CHSY3: variants seen among roughly 807,000 people sequenced by gnomAD.
The protein encoded by CHSY3 is chondroitin sulfate synthase 3, also known as N-acetylgalactosaminyl-proteoglycan 3-beta-glucuronosyltransferase 3.
In CHSY3, 35 loss-of-function variants were observed where a neutral mutation model predicts 67.2. The observed-to-expected ratio is 0.52, with a 90% CI of 0.40 to 0.69. The LOEUF is 0.69. Among genes scored for constraint, CHSY3 ranks in the 30% least tolerant of loss-of-function variants. The pLI, the probability that CHSY3 is intolerant of heterozygous loss-of-function variation, is 0.00. For missense variants in CHSY3, 1,069 were observed against 1,138.5 expected (o/e 0.94, Z 0.88); for synonymous variants, 474 against 434.7 (o/e 1.09, Z -1.12).
chr5:129,940,316 G>C (rs1761659198), intron 2 of CHSY3, among the ~76,000 whole-genome samples: 2 of 152,178 alleles, frequency 1.3e-5, no homozygotes, highest in Non-Finnish European at 2.9e-5. Context: ...AAGATGTGAT[G>C]AATCTTTTGA....
intron 2 of CHSY3, among the ~76,000 whole-genome samples, chr5:130,077,955 A>G (rs750772764): frequency 4.0e-4 from 61 of 152,130 alleles, no homozygotes; most frequent in Non-Finnish European, 7.9e-4. Context: ...ATGTAGCCAT[A>G]ATAACTAACA....
chr5:130,079,431 A>G (rs1429723876), intron 2 of CHSY3, among the ~76,000 whole-genome samples: 1 of 152,156 alleles, frequency 6.6e-6, no homozygotes, highest in Non-Finnish European at 1.5e-5. Context: ...ATTGGGATAA[A>G]CTTCAGGATT....
At chr5:130,075,416 A>G (rs17165618) in intron 2 of CHSY3, among the ~76,000 whole-genome samples, 2,281 of 152,248 alleles carry the variant, frequency 0.015, 60 homozygotes, top group African/African-American at 0.051. Context: ...AGTTGTATTC[A>G]TTCTACTAAA....
At chr5:130,046,249 A>G (rs1446783108) in intron 2 of CHSY3, among the ~76,000 whole-genome samples, 1 of 152,254 alleles carries the variant, frequency 6.6e-6, no homozygotes, top group East Asian at 1.9e-4. Context: ...CATACAAATG[A>G]AGGTGAACTA....
chr5:130,130,486 A>C (rs1352233370), intron 2 of CHSY3, among the ~76,000 whole-genome samples: 1 of 152,044 alleles, frequency 6.6e-6, no homozygotes. Flanking sequence ...ATTCCTTTTC[A>C]TCTGCCAGAA....
Position 130,029,679 on chromosome 5 carries a change from A to T in CHSY3, c.1086+121319A>T, listed in dbSNP as rs933034640. Among the ~76,000 whole-genome samples, 4 of 152,066 alleles carry T rather than the reference A, an allele frequency of 2.6e-5. 1 individual carries two copies. The highest frequency in any genetic ancestry group is 4.1e-4 in the South Asian group (2 of 4,826). On this transcript the variant is annotated intron_variant, in intron 2 of 2. Transcript: ENST00000305031. ...GTTCTCAGCTAGCCCTCTTTTTTTT[A>T]AAATAAAACTTTGTGAGGTTTTCAT...
chr5:129,991,633 T>C (rs1580622718), intron 2 of CHSY3, among the ~76,000 whole-genome samples: 2 of 152,268 alleles, frequency 1.3e-5, no homozygotes, highest in Middle Eastern at 3.4e-3. Flanking sequence ...GTTACAATTA[T>C]GAAATTCAAA....
At position 129,904,725 on chromosome 5, in the gene CHSY3, G is replaced by GTGT. The variant is rs1760165346; in HGVS notation, c.-105_-104insTGT. 2 of 1,227,146 alleles carry GTGT rather than the reference G, an allele frequency of 1.6e-6. No homozygotes were observed. Among genetic ancestry groups the GTGT allele is most frequent in the East Asian group, 6.5e-5 (2 of 30,854 alleles). The allele number at this position is 1,227,146 out of a possible 1,614,324, so 76.0% of individuals were successfully genotyped here. A position where few individuals can be genotyped will look rare whatever the true frequency, so the allele number is the denominator to read the frequency against. On this transcript the variant is annotated 5_prime_UTR_variant, in exon 1 of 3. Coordinates refer to ENST00000305031, the MANE Select transcript of CHSY3 (RefSeq NM_175856.5). ...GTCGGCGCCTAGGCGGCCGGCTGCG[G>GTGT]CCGCGGCTGGGGGCGCAAAGGCGGA...
At chr5:130,008,122 C>T (rs575983511) in intron 2 of CHSY3, among the ~76,000 whole-genome samples, 2 of 152,322 alleles carry the variant, frequency 1.3e-5, no homozygotes, top group South Asian at 4.1e-4. Flanking sequence ...CCCACTGGAG[C>T]ATGTGTATGT....
chr5:130,112,955 C>G (rs1256548632), intron 2 of CHSY3, among the ~76,000 whole-genome samples: 1 of 152,002 alleles, frequency 6.6e-6, no homozygotes, highest in Non-Finnish European at 1.5e-5. Context: ...CAGAAAATTA[C>G]TATTACATAG....
At chr5:129,931,139 T>A (rs1258324597) in intron 2 of CHSY3, among the ~76,000 whole-genome samples, 1 of 152,156 alleles carries the variant, frequency 6.6e-6, no homozygotes, top group Non-Finnish European at 1.5e-5. Context: ...ATTTAAAACA[T>A]GTATATTTGT....
intron 2 of CHSY3, among the ~76,000 whole-genome samples, chr5:130,048,585 G>A (rs184936529): frequency 4.6e-5 from 7 of 152,036 alleles, no homozygotes; most frequent in African/African-American, 1.2e-4. Flanking sequence ...GAAGGTGCTC[G>A]TGTATTCAGT....
intron 2 of CHSY3, among the ~76,000 whole-genome samples, chr5:130,044,777 A>AGCTT (rs909112180): frequency 4.7e-4 from 71 of 152,212 alleles, no homozygotes; most frequent in African/African-American, 1.7e-3. Flanking sequence ...ACGTAAGAAA[A>AGCTT]GCTTACTGGA....
intron 2 of CHSY3, among the ~76,000 whole-genome samples, chr5:130,089,720 G>A (rs1427855145): frequency 6.6e-6 from 1 of 152,016 alleles, no homozygotes; most frequent in Non-Finnish European, 1.5e-5. Context: ...TTAGAAAACT[G>A]GATTTCTCTT....
intron 2 of CHSY3, among the ~76,000 whole-genome samples, chr5:130,003,786 G>T (rs1164399766): frequency 3.3e-5 from 5 of 152,132 alleles, no homozygotes; most frequent in African/African-American, 1.2e-4. Context: ...TGAAGTATAT[G>T]ACTGCCAAGT....
At chr5:130,049,496 T>C (rs1389031209) in intron 2 of CHSY3, among the ~76,000 whole-genome samples, 3 of 152,070 alleles carry the variant, frequency 2.0e-5, no homozygotes, top group Admixed American at 1.3e-4. Flanking sequence ...TTGCCCACCA[T>C]ATAAGCAGCT....
At chr5:130,163,928 G>A (rs1769644176) in intron 2 of CHSY3, among the ~76,000 whole-genome samples, 1 of 152,182 alleles carries the variant, frequency 6.6e-6, no homozygotes, top group South Asian at 2.1e-4. Context: ...AAGATTTAAG[G>A]AATGAGTAGC....
chr5:129,975,181 C>A (rs1377190842), intron 2 of CHSY3, among the ~76,000 whole-genome samples: 1 of 151,946 alleles, frequency 6.6e-6, no homozygotes, highest in African/African-American at 2.4e-5. Flanking sequence ...ACATACGTAA[C>A]AAAACTGCAC....
chr5:129,976,467 A>C (rs987988968), intron 2 of CHSY3, among the ~76,000 whole-genome samples: 2 of 152,152 alleles, frequency 1.3e-5, no homozygotes, highest in Non-Finnish European at 2.9e-5. Flanking sequence ...ACAGATATTT[A>C]CTGTAACAGA....
Sources: allele counts gnomAD v4.1 joint callset (sites outside exome capture counted in the v4.1 genomes callset), GRCh38; gene constraint gnomAD v4.1.1; transcripts MANE v1.5; gene names NCBI Gene and HGNC (gene_info 2026-07-23, HGNC 2026-07-21).